Variants in PDZD2 observed in about 807,000 individuals in gnomAD.
PDZD2 encodes the protein PDZ domain-containing protein 2.
In PDZD2, 90 loss-of-function variants were observed where a neutral mutation model predicts 220.7. The ratio of observed to expected loss-of-function variants is 0.41; its 90% CI spans 0.34 to 0.49. The LOEUF (loss-of-function observed/expected upper bound fraction) is 0.49. Among genes scored for constraint, PDZD2 ranks in the 20% least tolerant of loss-of-function variants. The pLI, the probability that PDZD2 is intolerant of heterozygous loss-of-function variation, is 0.28. For missense variants in PDZD2, 3,174 were observed against 3,608.5 expected, an observed-to-expected ratio of 0.88 and a Z score of 3.08; for synonymous variants, 1,375 against 1,450.5, an observed-to-expected ratio of 0.95 and a Z score of 1.18.
At chr5:31,927,793 T>C (rs1485553339) in intron 2 of PDZD2, among the ~76,000 whole-genome samples, 5 of 152,224 alleles carry the variant, frequency 3.3e-5, no homozygotes, top group Non-Finnish European at 5.9e-5. Flanking sequence ...TAGTCATTAA[T>C]GGACCTTGAT....
chr5:32,007,789 T>G (rs1042691603), intron 5 of PDZD2, among the ~76,000 whole-genome samples: 5 of 152,202 alleles, frequency 3.3e-5, no homozygotes, highest in Non-Finnish European at 5.9e-5. Context: ...TCTAGAGCCA[T>G]GGATTCGCTC....
chr5:31,640,509 G>T (rs1744909753), intron 1 of PDZD2, among the ~76,000 whole-genome samples: 1 of 152,226 alleles, frequency 6.6e-6, no homozygotes, highest in Non-Finnish European at 1.5e-5. Flanking sequence ...ACTGGAAGTG[G>T]TTGCTGAGTG....
At chr5:31,896,427 C>T (rs182310779) in intron 2 of PDZD2, among the ~76,000 whole-genome samples, 16 of 151,740 alleles carry the variant, frequency 1.1e-4, no homozygotes, top group African/African-American at 3.9e-4. Context: ...AGGTCTTGGG[C>T]TCACCCACCT....
chr5:31,650,455 C>G (rs1319608067), intron 1 of PDZD2, among the ~76,000 whole-genome samples: 1 of 152,092 alleles, frequency 6.6e-6, no homozygotes, highest in African/African-American at 2.4e-5. Flanking sequence ...TCTACAGAGC[C>G]CTGAGTTTAC....
intron 2 of PDZD2, among the ~76,000 whole-genome samples, chr5:31,861,013 G>T (rs1037567399): frequency 3.9e-5 from 6 of 152,148 alleles, no homozygotes; most frequent in African/African-American, 1.4e-4. Context: ...GAAAGAGCTC[G>T]CTATCAAAGG....
intron 2 of PDZD2, among the ~76,000 whole-genome samples, chr5:31,921,539 A>AG (rs973012531): frequency 1.3e-5 from 2 of 152,026 alleles, no homozygotes; most frequent in Non-Finnish European, 2.9e-5. Flanking sequence ...CAAAAAAAAA[A>AG]ATTAGCTGGG....
intron 8 of PDZD2, among the ~76,000 whole-genome samples, chr5:32,051,033 T>G (rs951724115): frequency 6.6e-6 from 1 of 152,144 alleles, no homozygotes; most frequent in Non-Finnish European, 1.5e-5. Flanking sequence ...GTGGCTACCA[T>G]GTTAGACAGC....
intron 6 of PDZD2, among the ~76,000 whole-genome samples, chr5:32,011,708 G>A (rs1042492676): frequency 1.3e-5 from 2 of 152,084 alleles, no homozygotes; most frequent in African/African-American, 4.8e-5. Context: ...TGGAAAATCA[G>A]CTTTGCTTAG....
chr5:31,657,887 C>G (rs1398053626), intron 1 of PDZD2, among the ~76,000 whole-genome samples: 1 of 152,196 alleles, frequency 6.6e-6, no homozygotes, highest in Non-Finnish European at 1.5e-5. Context: ...AAGATAATAG[C>G]TGCCTTCCAA....
chr5:31,665,742 GGAACTGT>G (rs943752555), intron 1 of PDZD2, among the ~76,000 whole-genome samples: 2 of 146,296 alleles, frequency 1.4e-5, no homozygotes, highest in Non-Finnish European at 3.0e-5. Flanking sequence ...CCAGCCACGC[GGAACTGT>G]GAACTAATTA....
Position 31,865,930 on chromosome 5 carries a change from C to CTT in PDZD2, c.476+66219_476+66220dup, listed in dbSNP as rs35867918. On this transcript the variant is annotated intron_variant, in intron 2 of 24. Coordinates refer to ENST00000438447, the MANE Select transcript of PDZD2 (RefSeq NM_178140.4). ...ACAGGCGTGAGCCACCGCACCTGCC[C>CTT]TTTTTTTTTTTTTTAATCCCCTGGG... is the stretch of plus-strand genomic sequence containing the variant. 2.2e-3 allele frequency among the ~76,000 whole-genome samples: 319 copies of CTT among 142,896 alleles called. 1 individual carries two copies. The highest frequency in any genetic ancestry group is 0.011 in the Middle Eastern group (3 of 264). 93.7% of individuals were successfully genotyped at this position (142,896 alleles called of 152,430 possible).
chr5:31,986,760 T>G (rs1237985202), intron 3 of PDZD2, among the ~76,000 whole-genome samples: 1 of 152,188 alleles, frequency 6.6e-6, no homozygotes, highest in Non-Finnish European at 1.5e-5. Context: ...AAAAACTTAA[T>G]AAATGACAAA....
intron 6 of PDZD2, among the ~76,000 whole-genome samples, chr5:32,024,782 C>T (rs1207337977): frequency 1.3e-5 from 2 of 152,040 alleles, no homozygotes; most frequent in African/African-American, 2.4e-5. Context: ...TGAGGAGTTA[C>T]AACTGAAGGA....
At chr5:31,847,624 T>G (rs769218278) in intron 2 of PDZD2, 1 of 629,352 alleles carries the variant, frequency 1.6e-6, no homozygotes, top group Non-Finnish European at 3.0e-6. Context: ...GATCTAGGAA[T>G]GCCAAGTGGT....
At chr5:31,918,273 T>C (rs1261102949) in intron 2 of PDZD2, among the ~76,000 whole-genome samples, 1 of 152,020 alleles carries the variant, frequency 6.6e-6, no homozygotes, top group Non-Finnish European at 1.5e-5. Context: ...CCAAACCATA[T>C]CAAGACTGAA....
chr5:31,780,961 G>T (rs1753031183), intron 1 of PDZD2, among the ~76,000 whole-genome samples: 2 of 152,170 alleles, frequency 1.3e-5, no homozygotes, highest in Admixed American at 1.3e-4. Flanking sequence ...ATTCTAGAAG[G>T]CGTCACCTCA....
At chr5:31,696,247 C>A (rs1259426761) in intron 1 of PDZD2, among the ~76,000 whole-genome samples, 1 of 152,090 alleles carries the variant, frequency 6.6e-6, no homozygotes. Context: ...ATGAATGAAA[C>A]AACAAAGTCT....
chr5:31,737,419 G>C (rs747723606), intron 1 of PDZD2, among the ~76,000 whole-genome samples: 1 of 152,012 alleles, frequency 6.6e-6, no homozygotes, highest in East Asian at 1.9e-4. Flanking sequence ...TGATCCGCCC[G>C]CCTTGGCCTC....
In PDZD2 at chr5:31,810,302, G is replaced by A. The variant is rs536058449; in HGVS notation, c.476+10578G>A. Among the ~76,000 whole-genome samples the A allele has an allele frequency of 3.2e-3, 440 of 138,612 alleles. 4 individuals are homozygous for A. Among genetic ancestry groups the A allele is most frequent in the Non-Finnish European group, 4.3e-3 (282 of 66,276 alleles). 90.9% of individuals were successfully genotyped at this position (138,612 alleles called of 152,430 possible). ...TTTTGAGACGGAGTCTTACTCTGTC[G>A]CCCAGGCTGGAGTGCAGTGGCGCGA... On this transcript the variant is annotated intron_variant, in intron 2 of 24. Transcript: ENST00000438447.
Sources: allele counts gnomAD v4.1 joint callset (sites outside exome capture counted in the v4.1 genomes callset), GRCh38; gene constraint gnomAD v4.1.1; transcripts MANE v1.5; gene names NCBI Gene and HGNC (gene_info 2026-07-23, HGNC 2026-07-21).